Variants in PRKD1 observed in about 807,000 individuals in gnomAD.
The protein encoded by PRKD1 is protein kinase D1.
In PRKD1, 63 loss-of-function variants were observed where a neutral mutation model predicts 95.9. That is an observed-to-expected ratio of 0.66 (90% CI 0.54 to 0.81). The LOEUF is 0.81. PRKD1 is among the 30% of genes least tolerant of loss of function. The pLI is 0.00. For synonymous variants in PRKD1, 425 were observed against 423.1 expected, an observed-to-expected ratio of 1.00 and a Z score of -0.05; for missense variants, 1,048 against 1,165.3, an observed-to-expected ratio of 0.90 and a Z score of 1.47.
At chr14:29,765,675 C>T (rs1209463434) in intron 1 of PRKD1, among the ~76,000 whole-genome samples, 1 of 152,080 alleles carries the variant, frequency 6.6e-6, no homozygotes, top group Non-Finnish European at 1.5e-5. Flanking sequence ...GGTATAGGCA[C>T]ATGGTGGAAT....
At chr14:29,687,578 C>T (rs939041546) in intron 2 of PRKD1, among the ~76,000 whole-genome samples, 3 of 152,144 alleles carry the variant, frequency 2.0e-5, no homozygotes, top group African/African-American at 4.8e-5. Flanking sequence ...GAATGTGGGC[C>T]GAACTTACTT....
rs1887311304 is a variant in PRKD1, at chr14:29,748,063, TTAAA to T, written c.265-22393_265-22390del. Among the ~76,000 whole-genome samples, 11 of 152,310 alleles carry T rather than the reference TTAAA, an allele frequency of 7.2e-5. No individual in the cohort carries two copies. The South Asian group carries it at 2.3e-3, about 32-fold the overall frequency. On this transcript the variant is annotated intron_variant, in intron 1 of 17. Transcript: ENST00000331968. ...CCGGCCAAAAACTTTACGATTTTTC[TTAAA>T]TAAATATCCAAATGCACTCAATATA...
intron 1 of PRKD1, among the ~76,000 whole-genome samples, chr14:29,841,196 T>A (rs1566630754): frequency 2.0e-5 from 3 of 152,244 alleles, no homozygotes; most frequent in Non-Finnish European, 4.4e-5. Context: ...CAGAAGAGAC[T>A]TGCCTTGTTT....
intron 1 of PRKD1, among the ~76,000 whole-genome samples, chr14:29,732,439 T>C (rs1344008681): frequency 1.3e-5 from 2 of 152,188 alleles, no homozygotes; most frequent in Admixed American, 1.3e-4. Context: ...TATTTTTCTA[T>C]GTCTTTTACA....
In PRKD1 at chr14:29,910,419, C is replaced by T. The variant is rs574211235; in HGVS notation, c.264+16830G>A. Among the ~76,000 whole-genome samples the T allele has an allele frequency of 1.1e-3, 166 of 152,230 alleles. 1 individual carries two copies. Among genetic ancestry groups the T allele is most frequent in the Admixed American group, 3.3e-3 (50 of 15,294 alleles). ...CACCTTTAAGAACTGTAACACTCAA[C>T]GCGAGGGTCCGTGGCTTCATTGTTG... On this transcript the variant is annotated intron_variant, in intron 1 of 17. Transcript: ENST00000331968.
chr14:29,599,062 T>A lies in PRKD1; in HGVS notation c.2131A>T (p.Asn711Tyr), dbSNP rs1270562641. 1.2e-6 allele frequency: 2 copies of A among 1,613,822 alleles called. No individual in the cohort carries two copies. The highest frequency in any genetic ancestry group is 1.7e-6 in the Non-Finnish European group (2 of 1,179,792). ...GGATCAGCTGAGGCTAGCAACACAT[T>A]TTCTGGTTTGAGGTCACAGTGAACG... Reference protein sequence around the residue: ...NIVHCDLKPENVLLASADPFP... With the variant: ...NIVHCDLKPEYVLLASADPFP... Residue 711 changes from asparagine to tyrosine, a missense_variant, in exon 15 of 18, where the codon AAT becomes TAT. Asn to Tyr is a moderately radical substitution (Grantham distance 143, BLOSUM62 -2). Coordinates refer to ENST00000331968, the MANE Select transcript of PRKD1 (RefSeq NM_002742.3).
intron 1 of PRKD1, among the ~76,000 whole-genome samples, chr14:29,800,682 A>G (rs184220397): frequency 2.0e-3 from 310 of 152,342 alleles, no homozygotes; most frequent in African/African-American, 7.2e-3. Context: ...ATCACAGGAA[A>G]AAAAATGTGT....
intron 1 of PRKD1, among the ~76,000 whole-genome samples, chr14:29,779,416 G>A (rs919099303): frequency 6.6e-6 from 1 of 152,182 alleles, no homozygotes; most frequent in Non-Finnish European, 1.5e-5. Context: ...ATCTCCTTAA[G>A]CTGATAAGCA....
rs549117553 is a variant in PRKD1, at chr14:29,654,262, C to T, written c.696+9437G>A. 9.2e-5 allele frequency among the ~76,000 whole-genome samples: 14 copies of T among 152,220 alleles called. No individual in the cohort carries two copies. The South Asian group carries it at 2.1e-3, about 23-fold the overall frequency. On this transcript the variant is annotated intron_variant, in intron 4 of 17. Transcript: ENST00000331968. ...TCTTGGCCCAATGCAACCTCTGCCT[C>T]TCGGGTTCAAGCAATTCTCATGCCT... is the stretch of plus-strand genomic sequence containing the variant.
At chr14:29,689,623 G>T (rs1884113852) in intron 2 of PRKD1, among the ~76,000 whole-genome samples, 1 of 152,150 alleles carries the variant, frequency 6.6e-6, no homozygotes, top group Non-Finnish European at 1.5e-5. Flanking sequence ...CCATTACAGG[G>T]TATATACCCA....
chr14:29,658,688 T>G (rs980629754), intron 4 of PRKD1, among the ~76,000 whole-genome samples: 4 of 152,198 alleles, frequency 2.6e-5, no homozygotes, highest in Non-Finnish European at 5.9e-5. Context: ...GGTTTTTCCC[T>G]TAAAGGAAGA....
intron 1 of PRKD1, among the ~76,000 whole-genome samples, chr14:29,827,115 T>C (rs1044671408): frequency 2.0e-5 from 3 of 151,346 alleles, no homozygotes; most frequent in Non-Finnish European, 4.4e-5. Context: ...AGATTATAAA[T>C]TGGGTTCAGC....
chr14:29,891,562 T>G (rs556513431), intron 1 of PRKD1, among the ~76,000 whole-genome samples: 2 of 152,258 alleles, frequency 1.3e-5, no homozygotes, highest in East Asian at 3.9e-4. Context: ...AGGACTTTTC[T>G]GGTGGCTCTA....
chr14:29,769,029 T>G lies in PRKD1; in HGVS notation c.265-43355A>C, dbSNP rs191743949. Among the ~76,000 whole-genome samples the G allele has an allele frequency of 1.1e-3, 161 of 152,250 alleles. 1 individual carries two copies. Among genetic ancestry groups the G allele is most frequent in the Non-Finnish European group, 1.8e-3 (120 of 68,016 alleles). ...CACATTCTGAAACAGAGCCAAATGT[T>G]AGCCTATAAGAAGGAATCTAAAAGC... On this transcript the variant is annotated intron_variant, in intron 1 of 17. Coordinates refer to ENST00000331968, the MANE Select transcript of PRKD1 (RefSeq NM_002742.3).
intron 1 of PRKD1, among the ~76,000 whole-genome samples, chr14:29,746,371 C>T (rs1005759754): frequency 5.3e-5 from 8 of 152,178 alleles, no homozygotes; most frequent in African/African-American, 1.9e-4. Flanking sequence ...TCTCCAGAAC[C>T]TTCAACCACC....
chr14:29,624,074 A>T (rs1879455733), intron 13 of PRKD1, 78 bp downstream of exon 13: 1 of 1,027,024 alleles, frequency 9.7e-7, no homozygotes, highest in Non-Finnish European at 1.4e-6. Flanking sequence ...AGGTTTTTAG[A>T]GAAAATTTAT....
At chr14:29,927,198 G>GC in intron 1 of PRKD1, 51 bp downstream of exon 1, 1 of 1,431,544 alleles carries the variant, frequency 7.0e-7, no homozygotes, top group Non-Finnish European at 9.2e-7. Flanking sequence ...GCCGGGCAGC[G>GC]CCCCCTGCGC....
chr14:29,748,752 C>T (rs1344664903), intron 1 of PRKD1, among the ~76,000 whole-genome samples: 1 of 152,104 alleles, frequency 6.6e-6, no homozygotes, highest in African/African-American at 2.4e-5. Flanking sequence ...ATATAGCCAT[C>T]AATAGAAAAT....
In PRKD1 at chr14:29,597,840, C is replaced by G. The variant is rs45508101; in HGVS notation, c.2167-82G>C. The G allele has an allele frequency of 0.012, 16,676 of 1,344,220 alleles. 1,627 individuals are homozygous for G. The African/African-American group carries it at 0.22, about 17-fold the overall frequency. The allele number at this position is 1,344,220 out of a possible 1,614,324, so 83.3% of individuals were successfully genotyped here. On this transcript the variant is annotated intron_variant, in intron 15 of 17. Coordinates refer to ENST00000331968, the MANE Select transcript of PRKD1 (RefSeq NM_002742.3). ...TTAGTTCAGATTCACCAGATACAAC[C>G]ATAATATTTTAAATACTTTACCTTT...
Sources: allele counts gnomAD v4.1 joint callset (sites outside exome capture counted in the v4.1 genomes callset), GRCh38; gene constraint gnomAD v4.1.1; transcripts MANE v1.5; gene names NCBI Gene and HGNC (gene_info 2026-07-23, HGNC 2026-07-21).